The following TMEM132E variants were observed in gnomAD, a reference collection of about 807,000 sequenced individuals.
TMEM132E encodes transmembrane protein 132E.
A neutral mutation model predicts 78.5 loss-of-function variants in TMEM132E; 49 were observed. That is an observed-to-expected ratio of 0.62 (90% CI 0.50 to 0.79). The LOEUF is 0.79. Among genes scored for constraint, TMEM132E ranks in the 30% least tolerant of loss-of-function variants. TMEM132E has a pLI of 0.00. For missense variants in TMEM132E, 1,403 were observed against 1,470.9 expected, an observed-to-expected ratio of 0.95 and a Z score of 0.75; for synonymous variants, 715 against 670.6, an observed-to-expected ratio of 1.07 and a Z score of -1.02.
At position 34,607,400 on chromosome 17, in the gene TMEM132E, G is replaced by A. The variant is rs538295893; in HGVS notation, c.68-18727G>A. ...GGGGAGGACCCCTATTCTTCCTGCA[G>A]CAACAAACAAATCTCTTCCCAAAGG... On this transcript the variant is annotated intron_variant, in intron 1 of 8. Transcript: ENST00000631683. Among the ~76,000 whole-genome samples the A allele has an allele frequency of 4.6e-5, 7 of 152,248 alleles. No individual in the cohort carries two copies. In the South Asian group the frequency reaches 1.2e-3, roughly 27 times the overall value.
chr17:34,589,640 C>T (rs542449286), intron 1 of TMEM132E, among the ~76,000 whole-genome samples: 10 of 152,206 alleles, frequency 6.6e-5, no homozygotes, highest in Admixed American at 4.6e-4. Context: ...CTTCTGAGTC[C>T]CTGAGCACCC....
intron 1 of TMEM132E, among the ~76,000 whole-genome samples, chr17:34,593,870 C>G (rs1567711728): frequency 6.6e-6 from 1 of 152,258 alleles, no homozygotes; most frequent in Non-Finnish European, 1.5e-5. Context: ...CCCGACACTA[C>G]TTCTTTGACC....
chr17:34,598,775 C>T (rs1906136420), intron 1 of TMEM132E, among the ~76,000 whole-genome samples: 1 of 152,224 alleles, frequency 6.6e-6, no homozygotes, highest in Admixed American at 6.5e-5. Context: ...GGATGTGAGC[C>T]TGCTCTCAGC....
chr17:34,629,287 A>G (rs1272875129), intron 4 of TMEM132E, 83 bp downstream of exon 4: 5 of 1,448,010 alleles, frequency 3.5e-6, no homozygotes, highest in Non-Finnish European at 4.7e-6. Flanking sequence ...TGAACCACTG[A>G]GTATATGTAC....
chr17:34,604,759 T>C (rs1906356951), intron 1 of TMEM132E, among the ~76,000 whole-genome samples: 1 of 152,184 alleles, frequency 6.6e-6, no homozygotes, highest in Non-Finnish European at 1.5e-5. Flanking sequence ...GAAGATGAAG[T>C]CCAAAGTCTA....
At chr17:34,630,984 A>G (rs1907330016) in intron 5 of TMEM132E, among the ~76,000 whole-genome samples, 1 of 152,220 alleles carries the variant, frequency 6.6e-6, no homozygotes, top group South Asian at 2.1e-4. Flanking sequence ...TGGTGTGAGC[A>G]GATGTCCAGC....
chr17:34,602,145 A>C (rs956094769), intron 1 of TMEM132E, among the ~76,000 whole-genome samples: 2 of 152,228 alleles, frequency 1.3e-5, no homozygotes, highest in African/African-American at 4.8e-5. Flanking sequence ...TGGGGGAGGC[A>C]GGGACCAAAA....
In TMEM132E at chr17:34,626,835, G is replaced by A. The variant is rs1239387971; in HGVS notation, c.776G>A (p.Arg259Gln). ...RRGAGPGVGA[R>Q]AESPTQHPLL... ...GGGGCCGGGCCCGGGGTGGGGGCCC[G>A]AGCGGAAAGCCCTACCCAGCACCCC... is the stretch of plus-strand genomic sequence containing the variant. Residue 259 changes from arginine (R) to glutamine (Q), a missense_variant, in exon 2 of 9, where the codon CGA becomes CAA. Around this residue, in one of 3 missense-constraint regions of TMEM132E, gnomAD observed 511 missense variants for 499.0 expected, o/e 1.02. Transcript: ENST00000631683. 1.1e-5 allele frequency: 17 copies of A among 1,568,144 alleles called. No individual in the cohort carries two copies. The highest frequency in any genetic ancestry group is 2.2e-4 in the Middle Eastern group (1 of 4,448).
At position 34,630,094 on chromosome 17, in the gene TMEM132E, C is replaced by T. The variant is rs144733722; in HGVS notation, c.1425C>T (p.Leu475=). The T allele has an allele frequency of 8.7e-6, 14 of 1,613,556 alleles. No individual in the cohort carries two copies. The African/African-American group carries it at 9.3e-5, about 11-fold the overall frequency. The part of the protein sequence containing the change: ...VKVIAIEVNG[L]VLDISALVEC... ...TCATTGCCATCGAGGTGAATGGCCT[C>T]GTCCTGGACATCTCCGCCCTAGTGG... The change falls in exon 5 of 9, where the codon CTC becomes CTT. Residue 475 remains leucine (L), a synonymous_variant. Transcript: ENST00000631683.
In TMEM132E at chr17:34,603,898, G is replaced by A. The variant is rs558268260; in HGVS notation, c.68-22229G>A. The stretch of plus-strand genomic sequence containing the variant: ...CTCACTGTGGGTACCAGCCCCCTCC[G>A]CCACCAGGCCTGGTCCCTTCTTTCA... On this transcript the variant is annotated intron_variant, in intron 1 of 8. Coordinates refer to ENST00000631683, the MANE Select transcript of TMEM132E (RefSeq NM_001304438.2). Among the ~76,000 whole-genome samples, 117 of 151,936 alleles carry A rather than the reference G, an allele frequency of 7.7e-4. 1 individual carries two copies. Among genetic ancestry groups the A allele is most frequent in the African/African-American group, 2.6e-3 (108 of 41,408 alleles).
chr17:34,594,393 T>G (rs1407003672), intron 1 of TMEM132E, among the ~76,000 whole-genome samples: 3 of 152,244 alleles, frequency 2.0e-5, no homozygotes, highest in Non-Finnish European at 4.4e-5. Context: ...CACATTCATC[T>G]GCCATATCCC....
At chr17:34,635,190 C>G (rs1907481691) in intron 7 of TMEM132E, 103 bp downstream of exon 7, 1 of 1,306,848 alleles carries the variant, frequency 7.7e-7, no homozygotes, top group Admixed American at 2.5e-5. Context: ...GCCCCCAGAA[C>G]ACTCTTCCCT....
chr17:34,609,946 C>T (rs1026677529), intron 1 of TMEM132E, among the ~76,000 whole-genome samples: 2 of 152,162 alleles, frequency 1.3e-5, no homozygotes, highest in Non-Finnish European at 2.9e-5. Context: ...CCACTCAATC[C>T]AAACCTGCCT....
intron 1 of TMEM132E, among the ~76,000 whole-genome samples, chr17:34,588,150 G>A (rs1485959517): frequency 2.0e-5 from 3 of 152,092 alleles, no homozygotes; most frequent in Non-Finnish European, 2.9e-5. Context: ...CACAGTCTTT[G>A]TGCATGCTGT....
At chr17:34,607,431 C>A (rs78648073) in intron 1 of TMEM132E, among the ~76,000 whole-genome samples, 3 of 152,282 alleles carry the variant, frequency 2.0e-5, no homozygotes, top group Non-Finnish European at 4.4e-5. Flanking sequence ...AAAGGAAAAT[C>A]CTGCTCCTCT....
chr17:34,638,178 C>T lies in TMEM132E; in HGVS notation c.3171C>T (p.Pro1057=). The part of the protein sequence containing the change: ...GCPDVAGPTR[P]TAPPDLHNYM... Reference sequence around the variant, plus strand: ...CGGATGTGGCGGGCCCCACGCGGCCCACTGCACCCCCGGACCTGCACAATT... The same window carrying T: ...CGGATGTGGCGGGCCCCACGCGGCCTACTGCACCCCCGGACCTGCACAATT... The change falls in exon 9 of 9, where the codon CCC becomes CCT. Residue 1057 remains proline (P), a synonymous_variant. Transcript: ENST00000631683. The T allele has an allele frequency of 6.2e-7, 1 of 1,606,046 alleles. No individual in the cohort carries two copies. The highest frequency in any genetic ancestry group is 8.5e-7 in the Non-Finnish European group (1 of 1,177,124).
chr17:34,633,718 G>A (rs1031753088), intron 6 of TMEM132E, among the ~76,000 whole-genome samples: 12 of 152,354 alleles, frequency 7.9e-5, no homozygotes, highest in African/African-American at 2.6e-4. Flanking sequence ...AGTAAGGTGT[G>A]TAGACCAGTG....
chr17:34,630,211 A>G, intron 5 of TMEM132E, 60 bp downstream of exon 5: 1 of 1,556,268 alleles, frequency 6.4e-7, no homozygotes, highest in Non-Finnish European at 8.8e-7. Flanking sequence ...GGAGAGTAGA[A>G]CCTCAAACCA....
At chr17:34,636,240 T>C (rs1907518899) in intron 8 of TMEM132E, 42 bp downstream of exon 8, 1 of 1,410,108 alleles carries the variant, frequency 7.1e-7, no homozygotes, top group African/African-American at 1.5e-5. Flanking sequence ...GTTGGTGGTA[T>C]GGAAGGAGAA....
Sources: allele counts gnomAD v4.1 joint callset (sites outside exome capture counted in the v4.1 genomes callset), GRCh38; gene constraint gnomAD v4.1.1; regional missense constraint gnomAD v4.1.1; transcripts MANE v1.5; gene names NCBI Gene and HGNC (gene_info 2026-07-23, HGNC 2026-07-21).